TOGARAM1: variants seen among roughly 807,000 people sequenced by gnomAD.
The protein encoded by TOGARAM1 is TOG array regulator of axonemal microtubules protein 1.
In TOGARAM1, 100 loss-of-function variants were observed where a neutral mutation model predicts 166.6. That is an observed-to-expected ratio of 0.60 (90% confidence interval 0.51 to 0.71). The LOEUF is 0.71. TOGARAM1 is among the 30% of genes least tolerant of loss of function. TOGARAM1 has a pLI of 0.00. For missense variants in TOGARAM1, 2,029 were observed against 2,102.7 expected (o/e 0.96, Z 0.69); for synonymous variants, 758 against 763.8 (o/e 0.99, Z 0.13).
chr14:45,000,865 C>T (rs1275841046), intron 3 of TOGARAM1, among the ~76,000 whole-genome samples: 1 of 152,122 alleles, frequency 6.6e-6, no homozygotes, highest in African/African-American at 2.4e-5. Context: ...TCCCAAGTAG[C>T]TGGGACTACA....
intron 13 of TOGARAM1, among the ~76,000 whole-genome samples, chr14:45,045,157 A>AT (rs1881926090): frequency 1.3e-5 from 2 of 151,834 alleles, no homozygotes; most frequent in African/African-American, 4.8e-5. Context: ...TACAATTATT[A>AT]TTTTTTTATT....
At chr14:45,044,212 A>G (rs756966127) in intron 12 of TOGARAM1, among the ~76,000 whole-genome samples, 20 of 151,862 alleles carry the variant, frequency 1.3e-4, no homozygotes, top group Non-Finnish European at 2.5e-4. Flanking sequence ...CTTTGACCAT[A>G]TTGGCCAGGC....
chr14:45,006,100 G>C lies in TOGARAM1; in HGVS notation c.2737G>C (p.Val913Leu). 3 of 1,613,976 alleles carry C rather than the reference G, an allele frequency of 1.9e-6. No homozygotes were observed. The highest frequency in any genetic ancestry group is 1.7e-5 in the Admixed American group (1 of 60,006). The change falls in exon 5 of 20, where the codon GTT (valine) becomes CTT (leucine). Residue 913 changes from valine (V) to leucine (L), a missense_variant. Val to Leu is a conservative substitution (Grantham distance 32, BLOSUM62 1). Around this residue, in one of 2 missense-constraint regions of TOGARAM1, gnomAD observed 1,453 missense variants for 1,432.2 expected, o/e 1.01. Transcript: ENST00000361462. The stretch of plus-strand genomic sequence containing the variant: ...ACGAGGTCTAAATGGGACAAAGCCT[G>C]TTCCTCCCATACCAAGGGGAATAAG... ...SRRGLNGTKP[V>L]PPIPRGISLL... is the part of the protein sequence containing the mutation.
rs768178626 is a variant in TOGARAM1, at chr14:44,963,370, A to G, written c.949A>G (p.Ser317Gly). The change falls in exon 1 of 20, where the codon AGT (serine) becomes GGT (glycine). Residue 317 changes from serine to glycine, a missense_variant. By Grantham distance (56) the Ser-to-Gly change is moderately conservative (BLOSUM62 0). Around this residue, in one of 2 missense-constraint regions of TOGARAM1, gnomAD observed 1,453 missense variants for 1,432.2 expected, o/e 1.01. Coordinates refer to ENST00000361462, the MANE Select transcript of TOGARAM1 (RefSeq NM_001308120.2). The stretch of plus-strand genomic sequence containing the variant: ...TCGCCGCCTGGAGTCCCAGTTTGGA[A>G]GTCAGGTTCCTTATTATTTGGAACT... Reference protein sequence around the residue: ...YNRRLESQFGSQVPYYLELEA... With the variant: ...YNRRLESQFGGQVPYYLELEA... 2.2e-5 allele frequency: 36 copies of G among 1,614,022 alleles called. No homozygotes were observed. Among genetic ancestry groups the G allele is most frequent in the Non-Finnish European group, 2.1e-5 (25 of 1,180,030 alleles).
Position 44,983,692 on chromosome 14 carries a change from G to T in TOGARAM1, c.2047-12054G>T, listed in dbSNP as rs140875835. On this transcript the variant is annotated intron_variant, in intron 1 of 19. Coordinates refer to ENST00000361462, the MANE Select transcript of TOGARAM1 (RefSeq NM_001308120.2). ...TTAGAAAAACTAAAATTATTAAATT[G>T]TACTAATGTGTTTGGTATGGGTTAA... Among the ~76,000 whole-genome samples the T allele has an allele frequency of 8.9e-4, 136 of 152,320 alleles. 1 individual carries two copies. The highest frequency in any genetic ancestry group is 2.4e-4 in the Non-Finnish European group (16 of 68,024).
Position 45,011,964 on chromosome 14 carries a change from T to C in TOGARAM1, c.3138-11T>C. 2 of 1,581,892 alleles carry C rather than the reference T, an allele frequency of 1.3e-6. No homozygotes were observed. The highest frequency in any genetic ancestry group is 2.7e-5 in the African/African-American group (2 of 73,572). On this transcript the variant is annotated splice_polypyrimidine_tract_variant and intron_variant, in intron 6 of 19. Transcript: ENST00000361462. ...CTTAATGTTTATTGAAATTACTTTG[T>C]TTCATTGCAGGTCAGACATATTTCC...
At chr14:45,040,697 A>T (rs922554289) in intron 11 of TOGARAM1, among the ~76,000 whole-genome samples, 2 of 152,242 alleles carry the variant, frequency 1.3e-5, no homozygotes, top group Non-Finnish European at 2.9e-5. Context: ...GGTGAAATGG[A>T]CAAATTATTT....
At chr14:44,969,178 T>C (rs533184654) in intron 1 of TOGARAM1, among the ~76,000 whole-genome samples, 1,572 of 145,896 alleles carry the variant, frequency 0.011, 31 homozygotes, top group African/African-American at 0.04. Flanking sequence ...TTTTCTTTTT[T>C]TTTTTTTGTG....
rs1395280737 is a variant in TOGARAM1 at position 45,011,364 on chromosome 14, G to GT, written c.3138-610dup. 2.0e-4 allele frequency among the ~76,000 whole-genome samples: 31 copies of GT among 152,182 alleles called. 1 individual carries two copies. Among genetic ancestry groups the GT allele is most frequent in the Non-Finnish European group, 4.1e-4 (28 of 68,030 alleles). Reference sequence around the variant, plus strand: ...GTCTCACTGTGTCACTCAGGCTGGAGTGTAGTAGTTCAATCTCAGCTCACT... The same window carrying GT: ...GTCTCACTGTGTCACTCAGGCTGGAGTTGTAGTAGTTCAATCTCAGCTCACT... On this transcript the variant is annotated intron_variant, in intron 6 of 19. Transcript: ENST00000361462.
At position 45,014,076 on chromosome 14, in the gene TOGARAM1, C is replaced by G. The variant is rs901377607; in HGVS notation, c.3238+2001C>G. 7.0e-5 allele frequency among the ~76,000 whole-genome samples: 10 copies of G among 143,396 alleles called. 1 individual carries two copies. In the East Asian group the frequency reaches 2.0e-3, roughly 29 times the overall value. 94.1% of individuals were successfully genotyped at this position (143,396 alleles called of 152,430 possible). On this transcript the variant is annotated intron_variant, in intron 7 of 19. Coordinates refer to ENST00000361462, the MANE Select transcript of TOGARAM1 (RefSeq NM_001308120.2). ...TTTTTTTTTTTTGAGACAAGAGTCT[C>G]GCTCTGTCGCTGAGGCTAGAGTGCA... is the stretch of plus-strand genomic sequence containing the variant.
Position 44,995,881 on chromosome 14 carries a change from T to C in TOGARAM1, c.2182T>C (p.Cys728Arg). ...GAATAGTCGGGATTTTAACCCAGAT[T>C]GTCTTCCTTTATGTGCTGCTGGTAA... ...FQNSRDFNPD[C>R]LPLCAAGTTG... The change falls in exon 2 of 20, where the codon TGT becomes CGT. Residue 728 changes from cysteine (C) to arginine (R), a missense_variant. Cys to Arg is a radical substitution (Grantham distance 180). Around this residue, in one of 2 missense-constraint regions of TOGARAM1, gnomAD observed 1,453 missense variants for 1,432.2 expected, o/e 1.01. Coordinates refer to ENST00000361462, the MANE Select transcript of TOGARAM1 (RefSeq NM_001308120.2). 2 of 1,609,170 alleles carry C rather than the reference T, an allele frequency of 1.2e-6. No individual in the cohort carries two copies. Among genetic ancestry groups the C allele is most frequent in the South Asian group, 1.1e-5 (1 of 89,690 alleles).
intron 13 of TOGARAM1, among the ~76,000 whole-genome samples, chr14:45,045,560 T>C (rs1448038937): frequency 5.3e-5 from 2 of 37,468 alleles, no homozygotes; most frequent in East Asian, 1.8e-3. Context: ...TATATATATA[T>C]ATATATATAT....
intron 19 of TOGARAM1, 78 bp downstream of exon 19, chr14:45,071,876 G>A: frequency 9.2e-7 from 1 of 1,084,772 alleles, no homozygotes; most frequent in Non-Finnish European, 1.3e-6. Flanking sequence ...TTAATTTTAG[G>A]ATAGCTACCA....
intron 10 of TOGARAM1, among the ~76,000 whole-genome samples, chr14:45,030,626 CTATTA>C (rs1177815924): frequency 1.3e-5 from 2 of 152,046 alleles, no homozygotes; most frequent in African/African-American, 2.4e-5. Context: ...TGAAAGGGGT[CTATTA>C]TATTCTTTAA....
At chr14:45,003,301 A>C (rs1887773023) in intron 3 of TOGARAM1, among the ~76,000 whole-genome samples, 1 of 150,118 alleles carries the variant, frequency 6.7e-6, no homozygotes. Flanking sequence ...CATTTTTTAA[A>C]ATATTAAAGG....
Position 44,963,171 on chromosome 14 carries a change from T to C in TOGARAM1, c.750T>C (p.Gly250=). The part of the protein sequence containing the change: ...ILLTTEDLLL[G]LDLTEVIISL... The stretch of plus-strand genomic sequence containing the variant: ...TTACTACTGAGGACTTGTTGCTTGG[T>C]CTGGATCTCACCGAGGTGATAATAT... Residue 250 remains glycine (G), a synonymous_variant, in exon 1 of 20, where the codon GGT becomes GGC. Transcript: ENST00000361462. 6.2e-7 allele frequency: 1 copy of C among 1,614,206 alleles called. No individual in the cohort carries two copies. The highest frequency in any genetic ancestry group is 2.2e-5 in the East Asian group (1 of 44,890).
chr14:44,971,998 A>G (rs1183198236), intron 1 of TOGARAM1, among the ~76,000 whole-genome samples: 2 of 152,196 alleles, frequency 1.3e-5, no homozygotes, highest in Admixed American at 6.5e-5. Context: ...CACGTCTTAC[A>G]TGGCCGGAGA....
intron 1 of TOGARAM1, among the ~76,000 whole-genome samples, chr14:44,986,816 C>T (rs1463963714): frequency 1.3e-5 from 2 of 151,134 alleles, no homozygotes; most frequent in East Asian, 2.0e-4. Context: ...AACATCCTGG[C>T]TAACACGGTG....
At chr14:45,011,854 T>G (rs1879820376) in intron 6 of TOGARAM1, 121 bp from the exon 7 acceptor site, 1 of 612,180 alleles carries the variant, frequency 1.6e-6, no homozygotes. Flanking sequence ...AGTGTCATAC[T>G]TATTGCTCCC....
Sources: gnomAD v4.1 joint callset for allele counts (sites outside exome capture counted in the v4.1 genomes callset) on GRCh38, gnomAD v4.1.1 for gene constraint, gnomAD v4.1.1 regional missense constraint, MANE v1.5 for transcripts, NCBI Gene and HGNC (gene_info 2026-07-23, HGNC 2026-07-21) for gene names.